The following PRKAB2 variants were observed in gnomAD, a reference collection of about 807,000 sequenced individuals.
PRKAB2 encodes the protein protein kinase AMP-activated non-catalytic subunit beta 2.
In PRKAB2, 18 loss-of-function variants were observed where a neutral mutation model predicts 29.8. The ratio of observed to expected loss-of-function variants is 0.60; its 90% CI spans 0.42 to 0.89. PRKAB2 has a LOEUF of 0.89. Among genes scored for constraint, PRKAB2 ranks in the 40% least tolerant of loss-of-function variants. The pLI is 0.00. For missense variants in PRKAB2, 270 were observed against 344.3 expected (o/e 0.78, Z 1.71); for synonymous variants, 136 against 125.9 (o/e 1.08, Z -0.54).
At chr1:147,159,930 G>A (rs1209646680) in intron 7 of PRKAB2, among the ~76,000 whole-genome samples, 1 of 152,066 alleles carries the variant, frequency 6.6e-6, no homozygotes, top group African/African-American at 2.4e-5. Context: ...CACAGTTTCT[G>A]ACACATAAAA....
chr1:147,170,519 G>A (rs1654468436), intron 2 of PRKAB2, among the ~76,000 whole-genome samples: 1 of 152,174 alleles, frequency 6.6e-6, no homozygotes. Flanking sequence ...TGGAGAATTG[G>A]AGAATAAACC....
intron 7 of PRKAB2, among the ~76,000 whole-genome samples, chr1:147,161,211 G>A (rs1045385403): frequency 2.6e-5 from 4 of 152,130 alleles, no homozygotes; most frequent in Non-Finnish European, 5.9e-5. Context: ...AAAAACCAAG[G>A]AGGACTCTAG....
Position 147,159,596 on chromosome 1 carries a change from T to C in PRKAB2, c.788A>G (p.Tyr263Cys). The change falls in exon 8 of 8, where the codon TAT becomes TGT. Residue 263 changes from tyrosine (Y) to cysteine (C), a missense_variant. Coordinates refer to ENST00000254101, the MANE Select transcript of PRKAB2 (RefSeq NM_005399.5). ...GGGCTTGTATAGCAGAGTAGTAACA[T>C]ACTTCTTCTTGTAGCGATGGGTTGC... is the stretch of plus-strand genomic sequence containing the variant. ...LSATHRYKKK[Y>C]VTTLLYKPI is the part of the protein sequence containing the mutation. The C allele has an allele frequency of 6.2e-7, 1 of 1,613,576 alleles. No homozygotes were observed. The highest frequency in any genetic ancestry group is 8.5e-7 in the Non-Finnish European group (1 of 1,179,704).
At chr1:147,162,128 A>C (rs374213246) in intron 6 of PRKAB2, among the ~76,000 whole-genome samples, 13 of 152,322 alleles carry the variant, frequency 8.5e-5, no homozygotes, top group African/African-American at 3.1e-4. Flanking sequence ...CATGAATTAT[A>C]TACAAAAAAG....
chr1:147,170,379 C>G (rs946056646), intron 2 of PRKAB2, among the ~76,000 whole-genome samples: 1 of 151,980 alleles, frequency 6.6e-6, no homozygotes, highest in Non-Finnish European at 1.5e-5. Flanking sequence ...AGTCACAGTT[C>G]GACAAATACA....
In PRKAB2 at chr1:147,166,936, A is replaced by G; in HGVS notation, c.327T>C (p.His109=). The part of the protein sequence containing the change: ...WSTKIPLIKS[H]NDFVAILDLP... ...GGTCCAGGATGGCAACAAAGTCATTATGGCTACAGAAGAAAAAAGAAAGGC... is the reference window on the plus strand; with the variant it reads ...GGTCCAGGATGGCAACAAAGTCATTGTGGCTACAGAAGAAAAAAGAAAGGC... The change falls in exon 4 of 8, where the codon CAT becomes CAC. Residue 109 remains histidine, a synonymous_variant. Coordinates refer to ENST00000254101, the MANE Select transcript of PRKAB2 (RefSeq NM_005399.5). The G allele has an allele frequency of 6.2e-7, 1 of 1,612,936 alleles. No homozygotes were observed. The highest frequency in any genetic ancestry group is 8.5e-7 in the Non-Finnish European group (1 of 1,179,002).
Position 147,172,203 on chromosome 1 carries a change from C to T in PRKAB2, c.-23-36G>A, listed in dbSNP as rs1654679552. On this transcript the variant is annotated intron_variant, in intron 1 of 7. Transcript: ENST00000254101. Reference sequence around the variant, plus strand: ...GAACGACACCGGGCTGGGAACACCTCAGCCGCCGCGTCAGGGGCGCCCCCC... The same window carrying T: ...GAACGACACCGGGCTGGGAACACCTTAGCCGCCGCGTCAGGGGCGCCCCCC... 3 of 1,476,602 alleles carry T rather than the reference C, an allele frequency of 2.0e-6. No individual in the cohort carries two copies. In the Admixed American group the frequency reaches 7.1e-5, roughly 35 times the overall value. 91.5% of individuals were successfully genotyped at this position (1,476,602 alleles called of 1,614,324 possible). A position where few individuals can be genotyped will look rare whatever the true frequency, so the allele number is the denominator to read the frequency against.
At position 147,159,000 on chromosome 1, in the gene PRKAB2, A is replaced by G; in HGVS notation, c.*565T>C. 1 of 152,516 alleles carries G rather than the reference A, an allele frequency of 6.6e-6. No homozygotes were observed. 9.4% of individuals were successfully genotyped at this position (152,516 alleles called of 1,614,324 possible). ...GGAGGCTATTAAAGGAAGAATGTGA[A>G]ATGAGAGGAATAAGGGTTCTTGTGG... On this transcript the variant is annotated 3_prime_UTR_variant, in exon 8 of 8. Transcript: ENST00000254101.
intron 7 of PRKAB2, among the ~76,000 whole-genome samples, chr1:147,161,374 T>C (rs1653949855): frequency 8.1e-6 from 1 of 123,076 alleles, no homozygotes; most frequent in Admixed American, 8.7e-5. Flanking sequence ...TCAAGCATTC[T>C]TTGAACTGGA....
Position 147,155,216 on chromosome 1 carries a change from G to A in PRKAB2, c.*4349C>T, listed in dbSNP as rs1264989841. 2 of 152,304 alleles carry A rather than the reference G, an allele frequency of 1.3e-5. No homozygotes were observed. The highest frequency in any genetic ancestry group is 2.1e-4 in the South Asian group (1 of 4,824). The allele number at this position is 152,304 out of a possible 1,614,324, so 9.4% of individuals were successfully genotyped here. On this transcript the variant is annotated 3_prime_UTR_variant, in exon 8 of 8. Coordinates refer to ENST00000254101, the MANE Select transcript of PRKAB2 (RefSeq NM_005399.5). Reference sequence around the variant, plus strand: ...GTGTCAGAGTCCAGTGACAAATTACGTTTGAAGAACAGCTTTAAAATCCAC... The same window carrying A: ...GTGTCAGAGTCCAGTGACAAATTACATTTGAAGAACAGCTTTAAAATCCAC...
intron 3 of PRKAB2, 52 bp downstream of exon 3, chr1:147,167,715 G>T: frequency 6.4e-7 from 1 of 1,563,852 alleles, no homozygotes; most frequent in Non-Finnish European, 8.7e-7. Context: ...TCTGAGAAAA[G>T]AAATCAGGTC....
intron 1 of PRKAB2, 33 bp downstream of exon 1, chr1:147,172,396 G>C: frequency 1.8e-6 from 1 of 555,026 alleles, no homozygotes; most frequent in South Asian, 2.4e-5. Flanking sequence ...GCGTCCCCGC[G>C]CTCACTGCCA....
chr1:147,170,638 G>A (rs1654479014), intron 2 of PRKAB2, among the ~76,000 whole-genome samples: 1 of 151,926 alleles, frequency 6.6e-6, no homozygotes, highest in South Asian at 2.1e-4. Flanking sequence ...GGAGTGCAGT[G>A]GTTTGATCTA....
At chr1:147,164,545 T>C (rs782390520) in intron 5 of PRKAB2, among the ~76,000 whole-genome samples, 3 of 152,202 alleles carry the variant, frequency 2.0e-5, no homozygotes, top group Non-Finnish European at 4.4e-5. Flanking sequence ...TTAAAACATA[T>C]GGAACTTGAA....
In PRKAB2 at chr1:147,162,523, G is replaced by A. The variant is rs782092808; in HGVS notation, c.589C>T (p.Arg197Ter). 2.5e-6 allele frequency: 4 copies of A among 1,611,902 alleles called. No homozygotes were observed. The highest frequency in any genetic ancestry group is 3.4e-6 in the Non-Finnish European group (4 of 1,178,192). ...GGGGATTTGAATCTTTCCTCAGATC[G>A]AAACGCATACATTTCTTGACCATAA... Reference protein sequence around the residue: ...GPYGQEMYAFRSEERFKSPPI... With the variant: ...GPYGQEMYAF The change falls in exon 6 of 8, where the codon CGA becomes TGA. Residue 197 changes from arginine (R) to a stop codon, truncating the protein, a stop_gained. Transcript: ENST00000254101. LOFTEE classifies it high-confidence loss of function.
chr1:147,166,979 T>C, intron 3 of PRKAB2, 40 bp from the exon 4 acceptor site: 1 of 1,505,942 alleles, frequency 6.6e-7, no homozygotes. Context: ...CCAAGTTCCT[T>C]TTAGAAGACT....
chr1:147,161,606 A>G, intron 7 of PRKAB2, 106 bp downstream of exon 7: 1 of 935,652 alleles, frequency 1.1e-6, no homozygotes, highest in Non-Finnish European at 1.7e-6. Flanking sequence ...CATTACTGCC[A>G]GCTTCAGCTT....
intron 3 of PRKAB2, among the ~76,000 whole-genome samples, 161 bp from the exon 4 acceptor site, chr1:147,167,100 T>C (rs1654288030): frequency 1.3e-5 from 2 of 152,232 alleles, no homozygotes; most frequent in South Asian, 4.1e-4. Flanking sequence ...TCTCCTTTTC[T>C]GTATCATCTT....
Position 147,166,567 on chromosome 1 carries a change from T to C in PRKAB2, c.469A>G (p.Lys157Glu). 6.2e-7 allele frequency: 1 copy of C among 1,614,130 alleles called. No homozygotes were observed. The highest frequency in any genetic ancestry group is 8.5e-7 in the Non-Finnish European group (1 of 1,179,978). The change falls in exon 5 of 8, where the codon AAA becomes GAA. Residue 157 changes from lysine (K) to glutamate (E), a missense_variant. Physicochemically the swap from Lys to Glu is moderately conservative, Grantham distance 56 (BLOSUM62 1). Coordinates refer to ENST00000254101, the MANE Select transcript of PRKAB2 (RefSeq NM_005399.5). ...GTINNLIHVK[K>E]SDFEVFDALK... is the part of the protein sequence containing the mutation. The stretch of plus-strand genomic sequence containing the variant: ...GCATCGAACACCTCAAAATCAGATT[T>C]CTTGACATGGATCAAATTGTTAATT...
Sources: gnomAD v4.1 joint callset for allele counts (sites outside exome capture counted in the v4.1 genomes callset) on GRCh38, gnomAD v4.1.1 for gene constraint, MANE v1.5 for transcripts, NCBI Gene and HGNC (gene_info 2026-07-23, HGNC 2026-07-21) for gene names.